CIMIP6: variants seen among roughly 807,000 people sequenced by gnomAD.
CIMIP6 encodes the protein uncharacterized protein C2orf73.
chr2:54,360,639 A>T, the CIMIP6 span: 1 of 1,359,636 alleles, frequency 7.4e-7, no homozygotes, highest in Non-Finnish European at 9.7e-7. Flanking sequence ...CCTCACATTT[A>T]CTTTTCTGTT....
At chr2:54,346,090 CACA>C in the CIMIP6 span, among the ~76,000 whole-genome samples, 32,906 of 151,902 alleles carry the variant, frequency 0.22, 3,743 homozygotes, top group African/African-American at 0.25. Context: ...GAAGTCCTGG[CACA>C]ACATTTGACC....
At chr2:54,355,818 T>C in the CIMIP6 span, among the ~76,000 whole-genome samples, 1 of 152,224 alleles carries the variant, frequency 6.6e-6, no homozygotes, top group South Asian at 2.1e-4. Context: ...TTCTGTATCT[T>C]TGAGGATATT....
the CIMIP6 span, among the ~76,000 whole-genome samples, chr2:54,353,195 A>G: frequency 6.6e-6 from 1 of 152,240 alleles, no homozygotes; most frequent in Non-Finnish European, 1.5e-5. Flanking sequence ...AAAGCATAGC[A>G]TATACATTTC....
the CIMIP6 span, among the ~76,000 whole-genome samples, chr2:54,364,207 T>A: frequency 6.6e-6 from 1 of 152,332 alleles, no homozygotes; most frequent in Middle Eastern, 3.4e-3. Context: ...TAACTGCCTG[T>A]CAGTACAAGT....
At chr2:54,360,028 G>C in the CIMIP6 span, among the ~76,000 whole-genome samples, 4 of 152,134 alleles carry the variant, frequency 2.6e-5, no homozygotes, top group Admixed American at 1.3e-4. Flanking sequence ...TAATTTAAAA[G>C]GTTCACCCAT....
At chr2:54,360,522 G>C in the CIMIP6 span, 324,983 of 1,533,618 alleles carry the variant, frequency 0.21, 35,567 homozygotes, top group African/African-American at 0.23. Flanking sequence ...CTTTTCACTA[G>C]GCACAAGCCT....
the CIMIP6 span, among the ~76,000 whole-genome samples, chr2:54,376,158 C>T: frequency 2.0e-5 from 3 of 152,090 alleles, no homozygotes; most frequent in African/African-American, 7.2e-5. Context: ...GCCTCAGCCT[C>T]CTGAGTAGCT....
chr2:54,343,985 G>C, the CIMIP6 span: 1 of 1,002,934 alleles, frequency 1.0e-6, no homozygotes, highest in East Asian at 2.9e-5. Context: ...TCTCTATGAA[G>C]TTGAAAATAC....
At chr2:54,333,478 G>A in the CIMIP6 span, among the ~76,000 whole-genome samples, 1 of 152,116 alleles carries the variant, frequency 6.6e-6, no homozygotes, top group Non-Finnish European at 1.5e-5. Flanking sequence ...CTGGTTGGAG[G>A]GTCTTGAGTG....
chr2:54,360,750 T>C, the CIMIP6 span: 2 of 564,648 alleles, frequency 3.5e-6, no homozygotes, highest in South Asian at 3.2e-5. Flanking sequence ...CTCCAATAAG[T>C]GGAGTGAGAC....
At chr2:54,375,771 G>C in the CIMIP6 span, among the ~76,000 whole-genome samples, 2 of 152,274 alleles carry the variant, frequency 1.3e-5, no homozygotes, top group African/African-American at 2.4e-5. Context: ...CTGTGCATTT[G>C]AGCATGGGCT....
chr2:54,360,536 A>C, the CIMIP6 span: 1 of 1,505,734 alleles, frequency 6.6e-7, no homozygotes, highest in East Asian at 2.4e-5. Flanking sequence ...CAAGCCTTTA[A>C]ATCCACCAAT....
the CIMIP6 span, chr2:54,382,114 A>G: frequency 8.4e-7 from 1 of 1,184,146 alleles, no homozygotes; most frequent in Admixed American, 3.5e-5. Flanking sequence ...ATTTCCTACT[A>G]TAGAAATGTG....
At chr2:54,346,568 T>G in the CIMIP6 span, among the ~76,000 whole-genome samples, 12 of 152,186 alleles carry the variant, frequency 7.9e-5, no homozygotes, top group South Asian at 2.1e-4. Context: ...TCCATCTCAG[T>G]GAATGCCACC....
At chr2:54,372,907 G>A in the CIMIP6 span, among the ~76,000 whole-genome samples, 2 of 152,194 alleles carry the variant, frequency 1.3e-5, no homozygotes, top group African/African-American at 4.8e-5. Flanking sequence ...TACCTCCTAC[G>A]TTTCCCCTCG....
chr2:54,335,568 G>C, the CIMIP6 span, among the ~76,000 whole-genome samples: 1 of 152,176 alleles, frequency 6.6e-6, no homozygotes, highest in Admixed American at 6.5e-5. Flanking sequence ...TCTGTCCCAG[G>C]GCTGTTGGTT....
the CIMIP6 span, chr2:54,360,765 T>A: frequency 4.0e-6 from 2 of 501,226 alleles, no homozygotes; most frequent in South Asian, 7.4e-5. Flanking sequence ...TGAGACATTA[T>A]TTCTATGTCA....
At chr2:54,359,025 T>C in the CIMIP6 span, 7 of 1,556,620 alleles carry the variant, frequency 4.5e-6, no homozygotes, top group South Asian at 7.3e-5. Flanking sequence ...ATCTCTTTTA[T>C]ACATCAATAT....
chr2:54,335,373 A>C, the CIMIP6 span, among the ~76,000 whole-genome samples: 1 of 152,222 alleles, frequency 6.6e-6, no homozygotes. Context: ...GTAAAATAAT[A>C]ATCATTTATT....
Sources: gnomAD v4.1 joint callset for allele counts (sites outside exome capture counted in the v4.1 genomes callset) on GRCh38, gnomAD v4.1.1 for gene constraint, MANE v1.5 for transcripts, NCBI Gene and HGNC (gene_info 2026-07-23, HGNC 2026-07-21) for gene names.